Variants in NOS1AP observed in about 807,000 individuals in gnomAD.
NOS1AP encodes the protein carboxyl-terminal PDZ ligand of neuronal nitric oxide synthase protein.
NOS1AP carries 21 observed loss-of-function variants against 56.2 expected under a neutral mutation model. That is an observed-to-expected ratio of 0.37 (90% confidence interval 0.26 to 0.54). The LOEUF (loss-of-function observed/expected upper bound fraction) is 0.54, where lower values mean the gene tolerates loss of function less well. Among genes scored for constraint, NOS1AP ranks in the 20% least tolerant of loss-of-function variants. The pLI is 0.84. For missense variants in NOS1AP, 522 were observed against 657.8 expected, an observed-to-expected ratio of 0.79 and a Z score of 2.26; for synonymous variants, 270 against 274.6, an observed-to-expected ratio of 0.98 and a Z score of 0.17.
chr1:162,356,724 T>C (rs567334234), intron 7 of NOS1AP, among the ~76,000 whole-genome samples: 1 of 152,336 alleles, frequency 6.6e-6, no homozygotes, highest in South Asian at 2.1e-4. Context: ...TCGGGGTCAG[T>C]TACCGAGGTG....
At position 162,289,215 on chromosome 1, in the gene NOS1AP, T is replaced by TTCCTTCCTTCCTTC. The variant is rs1571193414; in HGVS notation, c.270+1779_270+1780insTCCTTCCTTCCTTC. Among the ~76,000 whole-genome samples, 112 of 19,870 alleles carry TTCCTTCCTTCCTTC rather than the reference T, an allele frequency of 5.6e-3. 9 individuals are homozygous for TTCCTTCCTTCCTTC. In the East Asian group the frequency reaches 0.095, roughly 17 times the overall value. The allele number at this position is 19,870 out of a possible 152,430, so 13.0% of individuals were successfully genotyped here. On this transcript the variant is annotated intron_variant, in intron 3 of 9. Transcript: ENST00000361897. ...TCTTTCCTTCCTTCCTTCCTTTCCT[T>TTCCTTCCTTCCTTC]CCTTCCTTCCTTCCTTCCTTCCTTC...
chr1:162,228,076 C>T (rs1348114841), intron 2 of NOS1AP, among the ~76,000 whole-genome samples: 1 of 152,102 alleles, frequency 6.6e-6, no homozygotes, highest in Non-Finnish European at 1.5e-5. Context: ...GTAATGAAGT[C>T]AACAGTCGAA....
At chr1:162,243,129 G>A (rs143182401) in intron 2 of NOS1AP, among the ~76,000 whole-genome samples, 65 of 152,270 alleles carry the variant, frequency 4.3e-4, no homozygotes, top group African/African-American at 1.5e-3. Context: ...TGCTTTAGGA[G>A]TGATATCCTG....
chr1:162,186,532 C>T (rs750698002), intron 2 of NOS1AP, among the ~76,000 whole-genome samples: 3 of 152,070 alleles, frequency 2.0e-5, no homozygotes, highest in Admixed American at 6.5e-5. Context: ...CAAATTCATA[C>T]GTTGAAACTC....
At chr1:162,326,390 C>A (rs1394925188) in intron 4 of NOS1AP, among the ~76,000 whole-genome samples, 1 of 152,138 alleles carries the variant, frequency 6.6e-6, no homozygotes, top group African/African-American at 2.4e-5. Context: ...AATGCTAATA[C>A]CTGGGGGAAT....
chr1:162,330,057 T>G (rs1231835285), intron 4 of NOS1AP, among the ~76,000 whole-genome samples: 1 of 152,256 alleles, frequency 6.6e-6, no homozygotes, highest in Non-Finnish European at 1.5e-5. Flanking sequence ...TCCACATCTC[T>G]GTGTCTTGTG....
chr1:162,302,423 C>G (rs1232221668), intron 4 of NOS1AP, among the ~76,000 whole-genome samples: 1 of 152,172 alleles, frequency 6.6e-6, no homozygotes, highest in Non-Finnish European at 1.5e-5. Context: ...AAACAGATTG[C>G]ATCAGAAGCT....
intron 2 of NOS1AP, among the ~76,000 whole-genome samples, chr1:162,201,572 T>C (rs1651991977): frequency 1.3e-5 from 2 of 152,324 alleles, no homozygotes; most frequent in African/African-American, 2.4e-5. Context: ...CCATCAACAG[T>C]GTATAGTGTT....
intron 2 of NOS1AP, among the ~76,000 whole-genome samples, chr1:162,278,601 C>G (rs1025583304): frequency 6.6e-6 from 1 of 151,546 alleles, no homozygotes; most frequent in Non-Finnish European, 1.5e-5. Flanking sequence ...TGGTCTGAGG[C>G]AGAAAACCGT....
chr1:162,221,639 G>A lies in NOS1AP; in HGVS notation c.178-65705G>A, dbSNP rs1652786340. ...TAACTCACTAGCTTTTTTACTTAAG[G>A]CAGATTACTAAACTTCTCTAAGCTT... On this transcript the variant is annotated intron_variant, in intron 2 of 9. Transcript: ENST00000361897. Among the ~76,000 whole-genome samples the A allele has an allele frequency of 1.3e-5, 2 of 151,032 alleles. 1 individual carries two copies. Among genetic ancestry groups the A allele is most frequent in the South Asian group, 4.2e-4 (2 of 4,786 alleles).
chr1:162,107,356 G>A (rs1464942360), intron 1 of NOS1AP, among the ~76,000 whole-genome samples: 1 of 152,184 alleles, frequency 6.6e-6, no homozygotes, highest in Non-Finnish European at 1.5e-5. Context: ...AAAAAATAGA[G>A]ACAGGGTCTT....
At chr1:162,190,111 T>C (rs1344602162) in intron 2 of NOS1AP, among the ~76,000 whole-genome samples, 1 of 152,210 alleles carries the variant, frequency 6.6e-6, no homozygotes, top group Non-Finnish European at 1.5e-5. Context: ...TTTGTGGAGC[T>C]TAACTTTTTG....
At chr1:162,264,424 C>T (rs6427666) in intron 2 of NOS1AP, among the ~76,000 whole-genome samples, 112,180 of 113,770 alleles carry the variant, frequency 0.99, 55,309 homozygotes, top group Middle Eastern at 1. Context: ...CCTTCTCTTC[C>T]CTTCTCTTCT....
At chr1:162,132,328 A>C (rs1184284356) in intron 1 of NOS1AP, among the ~76,000 whole-genome samples, 5 of 152,262 alleles carry the variant, frequency 3.3e-5, no homozygotes, top group African/African-American at 9.6e-5. Flanking sequence ...GAGAATCCAT[A>C]GGAAGAAGCT....
At chr1:162,198,049 G>A (rs562904058) in intron 2 of NOS1AP, among the ~76,000 whole-genome samples, 2 of 152,244 alleles carry the variant, frequency 1.3e-5, no homozygotes, top group African/African-American at 4.8e-5. Flanking sequence ...CGGCCTGGCT[G>A]TAGGAGGGCC....
chr1:162,206,411 C>T (rs1652166266), intron 2 of NOS1AP, among the ~76,000 whole-genome samples: 1 of 152,198 alleles, frequency 6.6e-6, no homozygotes, highest in African/African-American at 2.4e-5. Context: ...TGTGTCTTCC[C>T]TTCCTGTGTT....
intron 4 of NOS1AP, among the ~76,000 whole-genome samples, chr1:162,302,618 A>G (rs1482010247): frequency 3.3e-5 from 5 of 152,240 alleles, no homozygotes; most frequent in African/African-American, 1.2e-4. Flanking sequence ...AAGTTTTCAC[A>G]TGTCCCAAGT....
At chr1:162,140,565 G>A (rs891263493) in intron 1 of NOS1AP, among the ~76,000 whole-genome samples, 4 of 152,330 alleles carry the variant, frequency 2.6e-5, no homozygotes, top group African/African-American at 9.6e-5. Flanking sequence ...CACCTGGATT[G>A]ATTCCATGCC....
intron 2 of NOS1AP, among the ~76,000 whole-genome samples, chr1:162,248,796 C>T (rs139689110): frequency 6.6e-6 from 1 of 152,238 alleles, no homozygotes; most frequent in Non-Finnish European, 1.5e-5. Flanking sequence ...AATTCATTTC[C>T]TTTGGAGATT....
Sources: gnomAD v4.1 joint callset for allele counts (sites outside exome capture counted in the v4.1 genomes callset) on GRCh38, gnomAD v4.1.1 for gene constraint, MANE v1.5 for transcripts, NCBI Gene and HGNC (gene_info 2026-07-23, HGNC 2026-07-21) for gene names.